Variants in SP4 observed in about 807,000 individuals in gnomAD.
SP4 encodes Sp4 transcription factor.
A neutral mutation model predicts 72.8 loss-of-function variants in SP4; 19 were observed. That is an observed-to-expected ratio of 0.26 (90% CI 0.18 to 0.38). The LOEUF (loss-of-function observed/expected upper bound fraction) is 0.38, where lower values mean the gene tolerates loss of function less well. Ranked by LOEUF, SP4 falls within the 10% of genes least tolerant of loss-of-function variation. The probability of loss-of-function intolerance (pLI) is 1.00; values close to 1 mark genes in which losing one functional copy is unlikely to be tolerated. For missense variants in SP4, 1,008 were observed against 926.3 expected (o/e 1.09, Z -1.14); for synonymous variants, 395 against 333.1 (o/e 1.19, Z -2.02).
chr7:21,451,079 C>T (rs995121859), intron 3 of SP4, among the ~76,000 whole-genome samples: 2 of 152,174 alleles, frequency 1.3e-5, no homozygotes, highest in African/African-American at 2.4e-5. Flanking sequence ...TGTGCAGTGG[C>T]CTGCCAGCAC....
chr7:21,511,027 A>T lies in SP4; in HGVS notation c.2113A>T (p.Lys705Ter). 6.2e-7 allele frequency: 1 copy of T among 1,602,370 alleles called. No homozygotes were observed. Among genetic ancestry groups the T allele is most frequent in the Non-Finnish European group, 8.5e-7 (1 of 1,172,614 alleles). ...TTTACTGTTTTTCTATGTAGGTGAA[A>T]AGAGATTTGAATGCCCGGAATGTTC... ...QRHRRTHTGE[K>*]RFECPECSKR... Residue 705 changes from lysine to a stop codon, truncating the protein, a stop_gained, in exon 6 of 6, where the codon AAG (lysine) becomes TAG (stop). Coordinates refer to ENST00000222584, the MANE Select transcript of SP4 (RefSeq NM_003112.5). LOFTEE classifies it high-confidence loss of function.
At chr7:21,482,776 A>G (rs954060030) in intron 5 of SP4, 15 of 975,338 alleles carry the variant, frequency 1.5e-5, no homozygotes, top group South Asian at 1.4e-4. Flanking sequence ...AAATGTTACA[A>G]TGTTGCAGAA....
In SP4 at chr7:21,430,572, G is replaced by T. The variant is rs1460016764; in HGVS notation, c.1407G>T (p.Trp469Cys). 1 of 1,614,194 alleles carries T rather than the reference G, an allele frequency of 6.2e-7. No homozygotes were observed. Among genetic ancestry groups the T allele is most frequent in the South Asian group, 1.1e-5 (1 of 91,084 alleles). Residue 469 changes from tryptophan (W) to cysteine (C), a missense_variant, in exon 3 of 6, where the codon TGG (tryptophan) becomes TGT (cysteine). Trp to Cys is a radical substitution (Grantham distance 215). Transcript: ENST00000222584. The stretch of plus-strand genomic sequence containing the variant: ...TAACACCTTCAGGGCAAATCAGTTG[G>T]CAAACTGTACAGGTTCAGAATATTC... ...PTLTPSGQIS[W>C]QTVQVQNIQS...
At chr7:21,487,608 G>A (rs1267399997) in intron 5 of SP4, among the ~76,000 whole-genome samples, 1 of 151,914 alleles carries the variant, frequency 6.6e-6, no homozygotes, top group Non-Finnish European at 1.5e-5. Flanking sequence ...ATGGATGCAG[G>A]TGCTTGCTGA....
At chr7:21,452,906 C>T (rs914922421) in intron 3 of SP4, among the ~76,000 whole-genome samples, 3 of 151,934 alleles carry the variant, frequency 2.0e-5, no homozygotes, top group African/African-American at 7.3e-5. Flanking sequence ...CCTCAGCCTC[C>T]TTAGTAGCTG....
chr7:21,482,116 C>T lies in SP4; in HGVS notation c.2100C>T (p.Thr700=). ...ATGAGCTCCAGAGACATAGAAGAAC[C>T]CATACAGGTTAGTTGATTTTAGGAC... ...RSDELQRHRR[T]HTGEKRFECP... Residue 700 remains threonine, a synonymous_variant, in exon 5 of 6, where the codon ACC becomes ACT. Transcript: ENST00000222584. The T allele has an allele frequency of 6.2e-7, 1 of 1,613,050 alleles. No individual in the cohort carries two copies. The highest frequency in any genetic ancestry group is 8.5e-7 in the Non-Finnish European group (1 of 1,179,088).
intron 4 of SP4, among the ~76,000 whole-genome samples, chr7:21,478,053 C>T (rs893450194): frequency 2.0e-5 from 3 of 152,144 alleles, no homozygotes; most frequent in Non-Finnish European, 2.9e-5. Flanking sequence ...TATCCCAATC[C>T]TTCCATCCTA....
chr7:21,485,248 A>C (rs550654646), intron 5 of SP4, among the ~76,000 whole-genome samples: 3 of 152,102 alleles, frequency 2.0e-5, no homozygotes, highest in East Asian at 3.9e-4. Flanking sequence ...TCTAACCACT[A>C]CTACAAATAG....
At position 21,470,404 on chromosome 7, in the gene SP4, A is replaced by G. The variant is rs539671900; in HGVS notation, c.1679-6675A>G. The stretch of plus-strand genomic sequence containing the variant: ...AAATACTTAAATTCTAATTCAACCA[A>G]TTCTTGAGATCCCTTAGGGAGCTAG... On this transcript the variant is annotated intron_variant, in intron 3 of 5. Transcript: ENST00000222584. Among the ~76,000 whole-genome samples the G allele has an allele frequency of 3.3e-5, 5 of 152,278 alleles. No individual in the cohort carries two copies. The South Asian group carries it at 1.0e-3, about 32-fold the overall frequency.
intron 3 of SP4, among the ~76,000 whole-genome samples, chr7:21,438,815 T>C (rs978667432): frequency 6.6e-6 from 1 of 152,236 alleles, no homozygotes; most frequent in Non-Finnish European, 1.5e-5. Flanking sequence ...CCTCTGTATA[T>C]GCTAACAAGT....
Position 21,430,226 on chromosome 7 carries a change from G to T in SP4, c.1061G>T (p.Ser354Ile), listed in dbSNP as rs1027179180. ...TGQYASTSAS[S>I]SERTIEESQT... ...CAGTATGCAAGCACATCAGCCAGTA[G>T]TTCTGAACGCACCATTGAAGAATCT... The change falls in exon 3 of 6, where the codon AGT becomes ATT. Residue 354 changes from serine to isoleucine, a missense_variant. Physicochemically the swap from Ser to Ile is moderately radical, Grantham distance 142. Around this residue, in one of 3 missense-constraint regions of SP4, gnomAD observed 893 missense variants for 743.3 expected, o/e 1.20. Transcript: ENST00000222584. 4 of 1,614,202 alleles carry T rather than the reference G, an allele frequency of 2.5e-6. No homozygotes were observed. The Middle Eastern group carries it at 6.6e-4, about 266-fold the overall frequency.
At chr7:21,496,219 C>G (rs1028880459) in intron 5 of SP4, among the ~76,000 whole-genome samples, 2 of 151,994 alleles carry the variant, frequency 1.3e-5, no homozygotes, top group African/African-American at 4.8e-5. Context: ...ACTCATAGAA[C>G]TCTATACCAA....
chr7:21,462,225 A>G (rs567842405), intron 3 of SP4, among the ~76,000 whole-genome samples: 29 of 152,108 alleles, frequency 1.9e-4, no homozygotes, highest in African/African-American at 6.3e-4. Flanking sequence ...GGGTTTTGCC[A>G]TGTTGCCCAA....
At position 21,429,518 on chromosome 7, in the gene SP4, C is replaced by G; in HGVS notation, c.353C>G (p.Ser118Cys). The change falls in exon 3 of 6, where the codon TCT becomes TGT. Residue 118 changes from serine (S) to cysteine (C), a missense_variant. This residue lies in a region of SP4 where 893 missense variants were observed against 743.3 expected (regional missense o/e 1.20). Transcript: ENST00000222584. Reference protein sequence around the residue: ...TPPASKENNVSQPASSSSSSS... With the variant: ...TPPASKENNVCQPASSSSSSS... Reference sequence around the variant, plus strand: ...CCTGCTTCAAAAGAGAATAACGTTTCTCAACCAGCCTCTAGTTCGTCTAGT... The same window carrying G: ...CCTGCTTCAAAAGAGAATAACGTTTGTCAACCAGCCTCTAGTTCGTCTAGT... 5.6e-6 allele frequency: 9 copies of G among 1,614,144 alleles called. No individual in the cohort carries two copies. Among genetic ancestry groups the G allele is most frequent in the Non-Finnish European group, 7.6e-6 (9 of 1,179,980 alleles).
chr7:21,451,387 G>C (rs186354901), intron 3 of SP4, among the ~76,000 whole-genome samples: 46 of 152,242 alleles, frequency 3.0e-4, no homozygotes, highest in African/African-American at 1.0e-3. Context: ...TCTTGGTTGC[G>C]GGGTTAGGGG....
Position 21,513,202 on chromosome 7 carries a change from C to T in SP4, c.*1933C>T, listed in dbSNP as rs1253324397. The T allele has an allele frequency of 6.6e-6, 1 of 152,460 alleles. No homozygotes were observed. Among genetic ancestry groups the T allele is most frequent in the Non-Finnish European group, 1.5e-5 (1 of 68,000 alleles). 9.4% of individuals were successfully genotyped at this position (152,460 alleles called of 1,614,324 possible). Reference sequence around the variant, plus strand: ...AATACTGTAATGATCACTGTTTACACTATGTACACTTTAGGCCAGCCCTTT... The same window carrying T: ...AATACTGTAATGATCACTGTTTACATTATGTACACTTTAGGCCAGCCCTTT... On this transcript the variant is annotated 3_prime_UTR_variant, in exon 6 of 6. Transcript: ENST00000222584.
rs1039780057 is a variant in SP4 at position 21,436,981 on chromosome 7, C to T, written c.1678+6138C>T. On this transcript the variant is annotated intron_variant, in intron 3 of 5. Coordinates refer to ENST00000222584, the MANE Select transcript of SP4 (RefSeq NM_003112.5). Reference sequence around the variant, plus strand: ...GACTTCTCCTCCAGTTGTCTTTCTACTGCATTTTTGGGTTTGCTTTTTGGA... The same window carrying T: ...GACTTCTCCTCCAGTTGTCTTTCTATTGCATTTTTGGGTTTGCTTTTTGGA... 5.9e-5 allele frequency among the ~76,000 whole-genome samples: 9 copies of T among 152,216 alleles called. No individual in the cohort carries two copies. The East Asian group carries it at 1.5e-3, about 26-fold the overall frequency.
In SP4 at chr7:21,513,353, A is replaced by G. The variant is rs1782195580; in HGVS notation, c.*2084A>G. The G allele has an allele frequency of 6.6e-6, 1 of 152,616 alleles. No individual in the cohort carries two copies. The highest frequency in any genetic ancestry group is 2.1e-4 in the South Asian group (1 of 4,838). 9.5% of individuals were successfully genotyped at this position (152,616 alleles called of 1,614,324 possible). A position where few individuals can be genotyped will look rare whatever the true frequency, so the allele number is the denominator to read the frequency against. ...TTCAAGTTTCTTAAAGCTTTTGTAG[A>G]CTTGTAACAGAGTCTTTAAATTTAA... On this transcript the variant is annotated 3_prime_UTR_variant, in exon 6 of 6. Coordinates refer to ENST00000222584, the MANE Select transcript of SP4 (RefSeq NM_003112.5).
chr7:21,430,323 A>G lies in SP4; in HGVS notation c.1158A>G (p.Ala386=). The change falls in exon 3 of 6, where the codon GCA becomes GCG. Residue 386 remains alanine (A), a synonymous_variant. Transcript: ENST00000222584. ...TTCAGCCTAATGGAATGCAGAATGC[A>G]CAGGATCAATCAAATTCTCTTCAGC... ...SQLQPNGMQN[A]QDQSNSLQQV... 1 of 1,614,252 alleles carries G rather than the reference A, an allele frequency of 6.2e-7. No individual in the cohort carries two copies. The highest frequency in any genetic ancestry group is 8.5e-7 in the Non-Finnish European group (1 of 1,180,042).
Sources: allele counts gnomAD v4.1 joint callset (sites outside exome capture counted in the v4.1 genomes callset), GRCh38; gene constraint gnomAD v4.1.1; regional missense constraint gnomAD v4.1.1; transcripts MANE v1.5; gene names NCBI Gene and HGNC (gene_info 2026-07-23, HGNC 2026-07-21).